Variants in TRIM16 observed in about 807,000 individuals in gnomAD.
The protein encoded by TRIM16 is tripartite motif containing 16.
Under a neutral mutation model 50.4 loss-of-function variants are expected in TRIM16, and 33 were observed. The observed-to-expected ratio is 0.65, with a 90% CI of 0.50 to 0.88. The LOEUF is 0.88. TRIM16 is among the 40% of genes least tolerant of loss of function. The pLI is 0.00. For synonymous variants in TRIM16, 229 were observed against 270.7 expected, an observed-to-expected ratio of 0.85 and a Z score of 1.51; for missense variants, 581 against 686.8, an observed-to-expected ratio of 0.85 and a Z score of 1.72.
chr17:15,680,126 T>C (rs1299870100), intron 4 of TRIM16, among the ~76,000 whole-genome samples: 3 of 152,118 alleles, frequency 2.0e-5, no homozygotes, highest in Non-Finnish European at 4.4e-5. Flanking sequence ...TCACTAACTT[T>C]CTATAAATCT....
At position 15,635,325 on chromosome 17, in the gene TRIM16, C is replaced by A. The variant is rs961488211; in HGVS notation, c.849+711G>T. On this transcript the variant is annotated intron_variant, in intron 9 of 11. Transcript: ENST00000649191. ...TCAGGATGTTGCAGTTTACCCCCAA[C>A]CTAGTGTTCCTTCCTCGAAAGGTTA... 1.3e-3 allele frequency among the ~76,000 whole-genome samples: 187 copies of A among 148,972 alleles called. 19 individuals are homozygous for A. Among genetic ancestry groups the A allele is most frequent in the Non-Finnish European group, 2.3e-3 (152 of 67,156 alleles).
chr17:15,634,337 C>CA lies in TRIM16; in HGVS notation c.850-1664dup, dbSNP rs1002588000. On this transcript the variant is annotated intron_variant, in intron 9 of 11. Transcript: ENST00000649191. ...AGAGCAAGACTCCGTCTCGAAAAAA[C>CA]AAAAAAAATTGGCCGGGCGCGGTGG... is the stretch of plus-strand genomic sequence containing the variant. Among the ~76,000 whole-genome samples, 13 of 117,748 alleles carry CA rather than the reference C, an allele frequency of 1.1e-4. 1 individual carries two copies. The highest frequency in any genetic ancestry group is 2.3e-4 in the African/African-American group (7 of 30,798). The allele number at this position is 117,748 out of a possible 152,430, so 77.2% of individuals were successfully genotyped here.
Position 15,682,868 on chromosome 17 carries a change from T to G in TRIM16, c.-693A>C. 6.9e-7 allele frequency: 1 copy of G among 1,445,518 alleles called. No individual in the cohort carries two copies. The highest frequency in any genetic ancestry group is 9.1e-7 in the Non-Finnish European group (1 of 1,102,732). The allele number at this position is 1,445,518 out of a possible 1,614,324, so 89.5% of individuals were successfully genotyped here. A position where few individuals can be genotyped will look rare whatever the true frequency, so the allele number is the denominator to read the frequency against. ...CGCACACTCACCACGCACCAGGTGC[T>G]TTCCATAAATCAGTATTCACAGATG... On this transcript the variant is annotated 5_prime_UTR_variant, in exon 3 of 12. Coordinates refer to ENST00000649191, the MANE Select transcript of TRIM16 (RefSeq NM_001348119.1).
chr17:15,648,007 CCAGGT>C (rs1221349634), intron 7 of TRIM16, among the ~76,000 whole-genome samples: 2 of 152,030 alleles, frequency 1.3e-5, no homozygotes, highest in African/African-American at 4.8e-5. Flanking sequence ...AGGGGGATCA[CCAGGT>C]CAGGAGATCG....
chr17:15,630,868 C>G (rs1404724283), intron 11 of TRIM16, among the ~76,000 whole-genome samples: 5 of 150,890 alleles, frequency 3.3e-5, no homozygotes, highest in Non-Finnish European at 3.0e-5. Context: ...TATATGTAAA[C>G]ATACAAAATA....
rs757219795 is a variant in TRIM16 at position 15,651,564 on chromosome 17, T to C, written c.46A>G (p.Thr16Ala). Residue 16 changes from threonine to alanine, a missense_variant, in exon 7 of 12, where the codon ACT becomes GCT. Thr to Ala is a moderately conservative substitution (Grantham distance 58). Around this residue, in one of 3 missense-constraint regions of TRIM16, gnomAD observed 450 missense variants for 544.3 expected, o/e 0.83. Coordinates refer to ENST00000649191, the MANE Select transcript of TRIM16 (RefSeq NM_001348119.1). Reference protein sequence around the residue: ...LMAPGPLPRATAQPPAPLSPD... With the variant: ...LMAPGPLPRAAAQPPAPLSPD... The stretch of plus-strand genomic sequence containing the variant: ...CTGAGAGGGGCTGGGGGCTGAGCAG[T>C]GGCCCTGGGCAGTGGCCCTGGAGCC... The C allele has an allele frequency of 9.9e-6, 16 of 1,613,650 alleles. No individual in the cohort carries two copies. The highest frequency in any genetic ancestry group is 4.2e-6 in the Non-Finnish European group (5 of 1,179,798).
chr17:15,632,432 C>G, intron 10 of TRIM16, 77 bp downstream of exon 10: 1 of 1,461,982 alleles, frequency 6.8e-7, no homozygotes, highest in East Asian at 2.3e-5. Context: ...CCTCCCTTCC[C>G]TGACTCTCTC....
intron 7 of TRIM16, among the ~76,000 whole-genome samples, chr17:15,645,504 G>A (rs1196853504): frequency 6.6e-6 from 1 of 151,724 alleles, no homozygotes; most frequent in Non-Finnish European, 1.5e-5. Context: ...GCGCACTTAA[G>A]CCTTTGCAAA....
rs1416734547 is a variant in TRIM16, at chr17:15,671,024, A to G, written c.-338+6152T>C. Among the ~76,000 whole-genome samples the G allele has an allele frequency of 4.6e-5, 7 of 152,296 alleles. No homozygotes were observed. In the South Asian group the frequency reaches 1.4e-3, roughly 31 times the overall value. On this transcript the variant is annotated intron_variant, in intron 6 of 11. Transcript: ENST00000649191. ...TTGGATTAATCTGAAGTGCTTCTTT[A>G]TTCACCGTGTTGCTGTATCCTAGCA...
Position 15,644,790 on chromosome 17 carries a change from C to T in TRIM16, c.520-1974G>A, listed in dbSNP as rs56311023. Among the ~76,000 whole-genome samples, 632 of 150,490 alleles carry T rather than the reference C, an allele frequency of 4.2e-3. 1 individual carries two copies. Among genetic ancestry groups the T allele is most frequent in the Middle Eastern group, 0.028 (8 of 284 alleles). ...CCAGGAAATGGGGGCAGAGACCAAA[C>T]CTAAGTTTTTGTTGTTGTTGTTGTT... On this transcript the variant is annotated intron_variant, in intron 7 of 11. Transcript: ENST00000649191.
chr17:15,684,158 G>A (rs1412055903), intron 1 of TRIM16, 38 bp downstream of exon 1: 1 of 152,098 alleles, frequency 6.6e-6, no homozygotes, highest in African/African-American at 2.4e-5. Context: ...GAGCAGCCGG[G>A]ACCCCAAGTC....
At chr17:15,678,797 T>C (rs1251433683) in intron 4 of TRIM16, among the ~76,000 whole-genome samples, 1 of 151,614 alleles carries the variant, frequency 6.6e-6, no homozygotes, top group African/African-American at 2.4e-5. Context: ...AAAGTTCAAA[T>C]ACACAGGTGG....
chr17:15,665,306 G>C (rs562545672), intron 6 of TRIM16, among the ~76,000 whole-genome samples: 1 of 152,018 alleles, frequency 6.6e-6, no homozygotes, highest in Non-Finnish European at 1.5e-5. Flanking sequence ...AGGTCAGATC[G>C]AGACCATCCT....
In TRIM16 at chr17:15,651,209, T is replaced by G; in HGVS notation, c.401A>C (p.His134Pro). 1 of 1,614,208 alleles carries G rather than the reference T, an allele frequency of 6.2e-7. No homozygotes were observed. The highest frequency in any genetic ancestry group is 2.2e-5 in the East Asian group (1 of 44,878). The change falls in exon 7 of 12, where the codon CAC becomes CCC. Residue 134 changes from histidine to proline, a missense_variant. By Grantham distance (77) the His-to-Pro change is moderately conservative. This residue lies in a region of TRIM16 where 450 missense variants were observed against 544.3 expected (regional missense o/e 0.83). Coordinates refer to ENST00000649191, the MANE Select transcript of TRIM16 (RefSeq NM_001348119.1). ...GCAGAAGGCAGACAGTGGGCTGTGG[T>G]GGGCAGGGCAGTATCGCCAGTTGTG... ...KDHNWRYCPAHHSPLSAFCCP... is the reference protein window; with the variant it reads ...KDHNWRYCPAPHSPLSAFCCP...
intron 7 of TRIM16, 145 bp downstream of exon 7, chr17:15,650,946 C>G: frequency 8.4e-7 from 1 of 1,193,152 alleles, no homozygotes; most frequent in Non-Finnish European, 1.1e-6. Flanking sequence ...TTACACTGAC[C>G]CAGCAGGCAG....
intron 6 of TRIM16, among the ~76,000 whole-genome samples, chr17:15,661,565 CT>C (rs1279344777): frequency 6.6e-6 from 1 of 152,190 alleles, no homozygotes; most frequent in East Asian, 1.9e-4. Flanking sequence ...TGGGCACCTT[CT>C]TTTCCTATCA....
At chr17:15,682,080 T>C (rs933326768) in intron 3 of TRIM16, among the ~76,000 whole-genome samples, 9 of 152,218 alleles carry the variant, frequency 5.9e-5, no homozygotes, top group Admixed American at 5.9e-4. Context: ...GGTACCTACG[T>C]TGCTACAATG....
At chr17:15,639,335 G>T (rs1987011238) in intron 8 of TRIM16, among the ~76,000 whole-genome samples, 2 of 148,074 alleles carry the variant, frequency 1.4e-5, no homozygotes, top group African/African-American at 5.0e-5. Flanking sequence ...TGTTATTACA[G>T]GTGGGATTAC....
chr17:15,683,207 CT>C (rs1567695347), intron 1 of TRIM16, 50 bp from the exon 2 acceptor site: 2 of 1,367,744 alleles, frequency 1.5e-6, no homozygotes, highest in Non-Finnish European at 2.0e-6. Context: ...CATTGTATTT[CT>C]TTTTTCATTC....
Sources: gnomAD v4.1 joint callset for allele counts (sites outside exome capture counted in the v4.1 genomes callset) on GRCh38, gnomAD v4.1.1 for gene constraint, gnomAD v4.1.1 regional missense constraint, MANE v1.5 for transcripts, NCBI Gene and HGNC (gene_info 2026-07-23, HGNC 2026-07-21) for gene names.